Variants in VAT1L observed in about 807,000 individuals in gnomAD.
The protein encoded by VAT1L is putative NADPH-dependent quinone oxidoreductase VAT1L.
In VAT1L, 34 loss-of-function variants were observed where a neutral mutation model predicts 44.1. The ratio of observed to expected loss-of-function variants is 0.77; its 90% confidence interval spans 0.59 to 1.03. The LOEUF is 1.03. Ranked by LOEUF, VAT1L falls within the 50% of genes least tolerant of loss-of-function variation. The pLI is 0.00. For synonymous variants in VAT1L, 253 were observed against 202.2 expected (o/e 1.25, Z -2.13); for missense variants, 615 against 538.8 (o/e 1.14, Z -1.40).
intron 1 of VAT1L, among the ~76,000 whole-genome samples, chr16:77,805,895 C>T (rs2016150006): frequency 2.1e-5 from 1 of 47,578 alleles, no homozygotes; most frequent in Non-Finnish European, 6.1e-5. Context: ...TGGAGTCTTG[C>T]CCTGTGGCCC....
intron 7 of VAT1L, among the ~76,000 whole-genome samples, chr16:77,917,535 T>C (rs1379112246): frequency 6.6e-6 from 1 of 152,248 alleles, no homozygotes; most frequent in Non-Finnish European, 1.5e-5. Context: ...AAGCACTTTT[T>C]CATTCAGCTC....
intron 7 of VAT1L, among the ~76,000 whole-genome samples, chr16:77,908,238 CAAA>C (rs766945340): frequency 1.1e-5 from 1 of 91,748 alleles, no homozygotes; most frequent in Non-Finnish European, 2.3e-5. Flanking sequence ...GACTCTGTCT[CAAA>C]AAAAAAAAAA....
At chr16:77,857,030 C>G (rs1393619057) in intron 3 of VAT1L, among the ~76,000 whole-genome samples, 1 of 152,098 alleles carries the variant, frequency 6.6e-6, no homozygotes, top group Non-Finnish European at 1.5e-5. Context: ...CAGTATCTGC[C>G]CCATGGTGGG....
chr16:77,865,831 G>T (rs906323244), intron 4 of VAT1L, among the ~76,000 whole-genome samples: 2 of 152,240 alleles, frequency 1.3e-5, no homozygotes, highest in Admixed American at 1.3e-4. Flanking sequence ...GAAGGGAGAT[G>T]GCATCTCTTC....
intron 4 of VAT1L, among the ~76,000 whole-genome samples, chr16:77,873,179 T>G (rs539315540): frequency 5.8e-4 from 88 of 152,316 alleles, no homozygotes; most frequent in African/African-American, 2.0e-3. Context: ...AGTCTTAAAC[T>G]CAGACTGGTG....
chr16:77,977,764 T>G lies in VAT1L; in HGVS notation c.*69T>G. Reference sequence around the variant, plus strand: ...GAGGACCCGGCTGAGAAAACTCTTCTGTGCCCCAGTGAACAAATGCTGTAG... The same window carrying G: ...GAGGACCCGGCTGAGAAAACTCTTCGGTGCCCCAGTGAACAAATGCTGTAG... On this transcript the variant is annotated 3_prime_UTR_variant, in exon 9 of 9. Transcript: ENST00000302536. 3 of 1,433,628 alleles carry G rather than the reference T, an allele frequency of 2.1e-6. No individual in the cohort carries two copies. The highest frequency in any genetic ancestry group is 1.2e-5 in the South Asian group (1 of 82,006). The allele number at this position is 1,433,628 out of a possible 1,614,324, so 88.8% of individuals were successfully genotyped here.
rs1281540890 is a variant in VAT1L, at chr16:77,979,089, C to T, written c.*1394C>T. 1 of 152,574 alleles carries T rather than the reference C, an allele frequency of 6.6e-6. No individual in the cohort carries two copies. The highest frequency in any genetic ancestry group is 1.5e-5 in the Non-Finnish European group (1 of 68,042). The allele number at this position is 152,574 out of a possible 1,614,324, so 9.5% of individuals were successfully genotyped here. A position where few individuals can be genotyped will look rare whatever the true frequency, so the allele number is the denominator to read the frequency against. On this transcript the variant is annotated 3_prime_UTR_variant, in exon 9 of 9. Transcript: ENST00000302536. ...CCAACAAGCCTTAGGGTGGACCCAA[C>T]CCTTTCCGCAAGTGGTAGGAACGAA...
At chr16:77,804,905 C>T (rs1230634660) in intron 1 of VAT1L, among the ~76,000 whole-genome samples, 3 of 152,168 alleles carry the variant, frequency 2.0e-5, no homozygotes, top group African/African-American at 2.4e-5. Context: ...GACAGCACTA[C>T]TAATGTAAAG....
At chr16:77,944,013 C>G (rs761135036) in intron 7 of VAT1L, among the ~76,000 whole-genome samples, 1 of 152,126 alleles carries the variant, frequency 6.6e-6, no homozygotes, top group African/African-American at 2.4e-5. Context: ...CCATTTCTAA[C>G]GCTACATCAA....
At chr16:77,789,299 G>A (rs2015789160) in intron 1 of VAT1L, among the ~76,000 whole-genome samples, 1 of 152,142 alleles carries the variant, frequency 6.6e-6, no homozygotes, top group African/African-American at 2.4e-5. Flanking sequence ...CCCACTGTGT[G>A]CCAGCCGCCG....
In VAT1L at chr16:77,815,368, T is replaced by C. The variant is rs1597175635; in HGVS notation, c.234-1553T>C. Among the ~76,000 whole-genome samples, 5 of 152,264 alleles carry C rather than the reference T, an allele frequency of 3.3e-5. No homozygotes were observed. The South Asian group carries it at 1.0e-3, about 32-fold the overall frequency. On this transcript the variant is annotated intron_variant, in intron 1 of 8. Coordinates refer to ENST00000302536, the MANE Select transcript of VAT1L (RefSeq NM_020927.3). ...TTACTTGAGTCCCTGCTATATTACT[T>C]TGGGTCTGATGCATGCCAGGCACAC...
chr16:77,791,069 G>A lies in VAT1L; in HGVS notation c.233+2154G>A, dbSNP rs537896787. 1.2e-3 allele frequency among the ~76,000 whole-genome samples: 184 copies of A among 152,316 alleles called. No homozygotes were observed. The Middle Eastern group carries it at 0.02, about 17-fold the overall frequency. ...GATTGATTTTCCTTTCACCAAGCTG[G>A]AAGCAGAGTTAATGGTTTTACAAGG... On this transcript the variant is annotated intron_variant, in intron 1 of 8. Coordinates refer to ENST00000302536, the MANE Select transcript of VAT1L (RefSeq NM_020927.3).
intron 3 of VAT1L, among the ~76,000 whole-genome samples, chr16:77,861,959 A>T (rs2016918658): frequency 6.6e-6 from 1 of 152,170 alleles, no homozygotes; most frequent in Non-Finnish European, 1.5e-5. Flanking sequence ...ATACCTTGTT[A>T]TTTCCGGAGA....
rs2018363442 is a variant in VAT1L at position 77,978,356 on chromosome 16, C to T, written c.*661C>T. The T allele has an allele frequency of 6.6e-6, 1 of 152,304 alleles. No individual in the cohort carries two copies. The highest frequency in any genetic ancestry group is 2.1e-4 in the South Asian group (1 of 4,832). The allele number at this position is 152,304 out of a possible 1,614,324, so 9.4% of individuals were successfully genotyped here. A position where few individuals can be genotyped will look rare whatever the true frequency, so the allele number is the denominator to read the frequency against. ...GCAGGTATGGATTTTTCACAGTAGACAATGGGTCAACAGCATGAGTTTGAG... is the reference window on the plus strand; with the variant it reads ...GCAGGTATGGATTTTTCACAGTAGATAATGGGTCAACAGCATGAGTTTGAG... On this transcript the variant is annotated 3_prime_UTR_variant, in exon 9 of 9. Coordinates refer to ENST00000302536, the MANE Select transcript of VAT1L (RefSeq NM_020927.3).
At chr16:77,794,521 G>T (rs1232830162) in intron 1 of VAT1L, among the ~76,000 whole-genome samples, 1 of 152,156 alleles carries the variant, frequency 6.6e-6, no homozygotes, top group Non-Finnish European at 1.5e-5. Flanking sequence ...TGCTACATTG[G>T]CAAACCAAGT....
intron 7 of VAT1L, chr16:77,892,942 C>T: frequency 8.2e-6 from 7 of 852,688 alleles, no homozygotes; most frequent in South Asian, 2.7e-5. Context: ...TTTATCTTAA[C>T]CTCCAGACCA....
intron 5 of VAT1L, among the ~76,000 whole-genome samples, chr16:77,876,870 G>A (rs1022088569): frequency 2.0e-5 from 3 of 152,152 alleles, no homozygotes; most frequent in Non-Finnish European, 2.9e-5. Context: ...CATGTTTTAA[G>A]GGAGGATCTT....
chr16:77,963,100 C>T (rs1213798886), intron 7 of VAT1L, among the ~76,000 whole-genome samples: 1 of 152,208 alleles, frequency 6.6e-6, no homozygotes, highest in African/African-American at 2.4e-5. Flanking sequence ...TAACAGACAT[C>T]TGCCCTCAAC....
chr16:77,972,039 GC>G, intron 8 of VAT1L, 106 bp downstream of exon 8: 2 of 1,027,928 alleles, frequency 1.9e-6, no homozygotes, highest in Non-Finnish European at 1.4e-6. Context: ...TAGCCTGTGG[GC>G]TAGTGGAGGA....
Sources: gnomAD v4.1 joint callset for allele counts (sites outside exome capture counted in the v4.1 genomes callset) on GRCh38, gnomAD v4.1.1 for gene constraint, MANE v1.5 for transcripts, NCBI Gene and HGNC (gene_info 2026-07-23, HGNC 2026-07-21) for gene names.